Variants in GRM5 observed in about 807,000 individuals in gnomAD.
GRM5 encodes metabotropic glutamate receptor 5.
GRM5 carries 19 observed loss-of-function variants against 83.1 expected under a neutral mutation model. That is an observed-to-expected ratio of 0.23 (90% CI 0.16 to 0.34). GRM5 has a LOEUF of 0.34. Ranked by LOEUF, GRM5 falls within the 10% of genes least tolerant of loss-of-function variation. The pLI is 1.00. For synonymous variants in GRM5, 675 were observed against 633.6 expected (o/e 1.07, Z -0.98); for missense variants, 1,160 against 1,588.3 (o/e 0.73, Z 4.58).
intron 2 of GRM5, among the ~76,000 whole-genome samples, chr11:88,998,788 T>C (rs1940275069): frequency 6.6e-6 from 1 of 152,166 alleles, no homozygotes; most frequent in African/African-American, 2.4e-5. Flanking sequence ...ATACTAGCAA[T>C]GAGCATATGG....
intron 3 of GRM5, among the ~76,000 whole-genome samples, chr11:88,772,555 T>C (rs546622363): frequency 4.6e-5 from 7 of 152,086 alleles, no homozygotes; most frequent in African/African-American, 1.7e-4. Context: ...ACCCATCAAC[T>C]CATCATTTAC....
chr11:88,991,067 C>G (rs560038012), intron 2 of GRM5, among the ~76,000 whole-genome samples: 9 of 152,300 alleles, frequency 5.9e-5, no homozygotes, highest in Admixed American at 2.0e-4. Context: ...AAGAGGAAGT[C>G]TGATTGTCCC....
rs541176015 is a variant in GRM5 at position 88,779,189 on chromosome 11, A to G, written c.911+70717T>C. ...AGCTTGTGTTCTCTCCACTGTTCTCAACTGCTTCTGAACACATGAAGTTAT... is the reference window on the plus strand; with the variant it reads ...AGCTTGTGTTCTCTCCACTGTTCTCGACTGCTTCTGAACACATGAAGTTAT... On this transcript the variant is annotated intron_variant, in intron 3 of 9. Coordinates refer to ENST00000305447, the MANE Select transcript of GRM5 (RefSeq NM_001143831.3). Among the ~76,000 whole-genome samples, 3 of 152,302 alleles carry G rather than the reference A, an allele frequency of 2.0e-5. No homozygotes were observed. The East Asian group carries it at 5.8e-4, about 29-fold the overall frequency.
chr11:89,016,645 T>A (rs542572008), intron 2 of GRM5, among the ~76,000 whole-genome samples: 1 of 152,288 alleles, frequency 6.6e-6, no homozygotes, highest in East Asian at 1.9e-4. Context: ...TTTCTTATTG[T>A]CAATTAGCAA....
intron 2 of GRM5, among the ~76,000 whole-genome samples, chr11:88,858,087 T>C (rs1409538477): frequency 3.3e-5 from 5 of 152,072 alleles, no homozygotes; most frequent in Non-Finnish European, 7.4e-5. Context: ...AGTCTTTCTA[T>C]AACACGACCC....
At chr11:89,024,315 C>A (rs1452397596) in intron 2 of GRM5, among the ~76,000 whole-genome samples, 2 of 152,186 alleles carry the variant, frequency 1.3e-5, no homozygotes, top group African/African-American at 2.4e-5. Flanking sequence ...GACAGCTAGC[C>A]CTGCCGGGCC....
intron 2 of GRM5, among the ~76,000 whole-genome samples, chr11:89,011,840 T>C (rs1940709064): frequency 6.6e-6 from 1 of 152,228 alleles, no homozygotes; most frequent in Non-Finnish European, 1.5e-5. Flanking sequence ...CTATCTACAT[T>C]ATAGCAATGT....
At chr11:88,845,456 C>T (rs1407242086) in intron 3 of GRM5, among the ~76,000 whole-genome samples, 1 of 56,726 alleles carries the variant, frequency 1.8e-5, no homozygotes, top group Non-Finnish European at 3.1e-5. Flanking sequence ...TTTTTTGAGA[C>T]AGAGTCTCGC....
intron 8 of GRM5, among the ~76,000 whole-genome samples, chr11:88,529,439 C>G (rs2135114761): frequency 6.6e-6 from 1 of 151,384 alleles, no homozygotes; most frequent in East Asian, 1.9e-4. Context: ...AAATCAGGTG[C>G]AAACATGTAG....
Position 88,529,471 on chromosome 11 carries a change from A to G in GRM5, c.2631-4067T>C, listed in dbSNP as rs190803248. Reference sequence around the variant, plus strand: ...GTAGAGAGGTTTAGCAGCATGGTGTATACTGGGAAACACTGTTTAGTAATT... The same window carrying G: ...GTAGAGAGGTTTAGCAGCATGGTGTGTACTGGGAAACACTGTTTAGTAATT... On this transcript the variant is annotated intron_variant, in intron 8 of 9. Transcript: ENST00000305447. 3.3e-5 allele frequency among the ~76,000 whole-genome samples: 5 copies of G among 151,986 alleles called. No individual in the cohort carries two copies. In the East Asian group the frequency reaches 9.7e-4, roughly 29 times the overall value.
At chr11:89,003,566 C>T (rs780652946) in intron 2 of GRM5, among the ~76,000 whole-genome samples, 1 of 152,026 alleles carries the variant, frequency 6.6e-6, no homozygotes, top group Non-Finnish European at 1.5e-5. Context: ...TAACAATGAA[C>T]CAAGTCTTAA....
intron 3 of GRM5, among the ~76,000 whole-genome samples, chr11:88,821,806 G>A (rs763261751): frequency 2.0e-5 from 3 of 152,004 alleles, no homozygotes; most frequent in Non-Finnish European, 4.4e-5. Flanking sequence ...ATTAAAACTT[G>A]AAAAACACCC....
chr11:88,583,723 C>CT (rs1943258735), intron 7 of GRM5, among the ~76,000 whole-genome samples: 1 of 152,110 alleles, frequency 6.6e-6, no homozygotes, highest in African/African-American at 2.4e-5. Context: ...ATAAAAAATT[C>CT]TTTCTAGGAC....
chr11:88,744,521 T>C (rs1383752972), intron 3 of GRM5, among the ~76,000 whole-genome samples: 11 of 152,118 alleles, frequency 7.2e-5, no homozygotes, highest in Admixed American at 5.9e-4. Flanking sequence ...CGAGCACCTA[T>C]GGTATGAAAA....
intron 4 of GRM5, among the ~76,000 whole-genome samples, chr11:88,652,512 A>C (rs920654278): frequency 1.3e-5 from 2 of 152,038 alleles, no homozygotes; most frequent in African/African-American, 4.8e-5. Flanking sequence ...TGGCATTACT[A>C]TCTCCCTTCC....
chr11:88,855,519 A>C lies in GRM5; in HGVS notation c.662-5364T>G, dbSNP rs186289785. 4.3e-4 allele frequency among the ~76,000 whole-genome samples: 66 copies of C among 152,058 alleles called. 1 individual carries two copies. In the East Asian group the frequency reaches 0.011, roughly 26 times the overall value. ...ATCTCTGTAATTTGTAATTGCTAAAAAAGTTTATAATTGTGGATCCTTCAC... is the reference window on the plus strand; with the variant it reads ...ATCTCTGTAATTTGTAATTGCTAAACAAGTTTATAATTGTGGATCCTTCAC... On this transcript the variant is annotated intron_variant, in intron 2 of 9. Transcript: ENST00000305447.
chr11:88,869,725 T>C (rs1277607169), intron 2 of GRM5, among the ~76,000 whole-genome samples: 2 of 151,568 alleles, frequency 1.3e-5, no homozygotes, highest in African/African-American at 2.4e-5. Flanking sequence ...AAAAATATTT[T>C]TATTCTCTTC....
chr11:88,988,537 C>T (rs1327990362), intron 2 of GRM5, among the ~76,000 whole-genome samples: 2 of 151,936 alleles, frequency 1.3e-5, no homozygotes, highest in Admixed American at 6.6e-5. Flanking sequence ...TCGAGAAGAG[C>T]AACTCCAAGA....
chr11:88,716,893 T>C (rs567562536), intron 3 of GRM5, among the ~76,000 whole-genome samples: 2 of 152,088 alleles, frequency 1.3e-5, no homozygotes, highest in Admixed American at 6.6e-5. Context: ...ATAAATTCAC[T>C]CATTTTTTCT....
Sources: allele counts gnomAD v4.1 joint callset (sites outside exome capture counted in the v4.1 genomes callset), GRCh38; gene constraint gnomAD v4.1.1; transcripts MANE v1.5; gene names NCBI Gene and HGNC (gene_info 2026-07-23, HGNC 2026-07-21).